The following SPDYE10 variants were observed in gnomAD, a reference collection of about 807,000 sequenced individuals.
SPDYE10 encodes the protein speedy protein E10.
At chr7:73,137,630 GAAAGAA>G in the SPDYE10 span, among the ~76,000 whole-genome samples, 8 of 136,544 alleles carry the variant, frequency 5.9e-5, no homozygotes, top group Non-Finnish European at 1.1e-4. Context: ...AAGAAAGAAA[GAAAGAA>G]AGAAAGGAGA....
the SPDYE10 span, among the ~76,000 whole-genome samples, chr7:73,153,839 GATCT>G: frequency 8.1e-6 from 1 of 123,968 alleles, no homozygotes; most frequent in Non-Finnish European, 1.6e-5. Context: ...CATGCTCTAA[GATCT>G]ATCTACCACA....
At chr7:73,116,934 T>C in the SPDYE10 span, among the ~76,000 whole-genome samples, 1 of 151,896 alleles carries the variant, frequency 6.6e-6, no homozygotes, top group Non-Finnish European at 1.5e-5. Context: ...CTCGCTGTGT[T>C]GCCCAGGCTG....
chr7:73,123,782 T>TCTCCCC, the SPDYE10 span, among the ~76,000 whole-genome samples: 89 of 144,166 alleles, frequency 6.2e-4, 1 homozygote, highest in African/African-American at 2.1e-3. Flanking sequence ...TCTCTCTCTC[T>TCTCCCC]CTCTCCCTCT....
chr7:73,150,905 A>T, the SPDYE10 span, among the ~76,000 whole-genome samples: 2 of 11,130 alleles, frequency 1.8e-4, no homozygotes, highest in Non-Finnish European at 1.6e-4. Flanking sequence ...CAAAAAAAAA[A>T]AAATATATAT....
chr7:73,154,844 A>AC, the SPDYE10 span: 1 of 199,286 alleles, frequency 5.0e-6, no homozygotes, highest in Non-Finnish European at 1.0e-5. Flanking sequence ...GCACCGGGGG[A>AC]GCCCCCCCAG....
chr7:73,131,979 G>GA, the SPDYE10 span, among the ~76,000 whole-genome samples: 1 of 143,588 alleles, frequency 7.0e-6, no homozygotes, highest in Non-Finnish European at 1.5e-5. Flanking sequence ...AGCCTCTAGA[G>GA]TAGTGGAAGG....
At chr7:73,150,908 AT>A in the SPDYE10 span, among the ~76,000 whole-genome samples, 235 of 9,110 alleles carry the variant, frequency 0.026, 9 homozygotes, top group East Asian at 0.045. Context: ...AAAAAAAAAA[AT>A]ATATATATAT....
chr7:73,128,375 T>TTAGG, the SPDYE10 span, among the ~76,000 whole-genome samples: 1 of 143,370 alleles, frequency 7.0e-6, no homozygotes, highest in African/African-American at 2.7e-5. Flanking sequence ...ATGCATACCT[T>TTAGG]TAGGTAGACA....
At chr7:73,120,786 T>A in the SPDYE10 span, among the ~76,000 whole-genome samples, 5 of 142,074 alleles carry the variant, frequency 3.5e-5, no homozygotes, top group Non-Finnish European at 7.6e-5. Flanking sequence ...AGATTCTGTC[T>A]CAAAAAAAAA....
At chr7:73,138,028 G>A in the SPDYE10 span, among the ~76,000 whole-genome samples, 7 of 151,964 alleles carry the variant, frequency 4.6e-5, no homozygotes, top group Admixed American at 1.3e-4. Context: ...TGTCCCCAAG[G>A]AGAAAACTTC....
At chr7:73,135,583 C>T in the SPDYE10 span, among the ~76,000 whole-genome samples, 2 of 113,180 alleles carry the variant, frequency 1.8e-5, no homozygotes, top group East Asian at 2.5e-4. Flanking sequence ...TGGAGTGCAG[C>T]GGTGCAATCT....
chr7:73,107,749 A>G, the SPDYE10 span, among the ~76,000 whole-genome samples: 1 of 44,140 alleles, frequency 2.3e-5, no homozygotes, highest in African/African-American at 9.6e-5. Flanking sequence ...TTATAATAGG[A>G]TGTAACTGGA....
chr7:73,130,319 C>A, the SPDYE10 span, among the ~76,000 whole-genome samples: 1 of 151,768 alleles, frequency 6.6e-6, no homozygotes, highest in Non-Finnish European at 1.5e-5. Flanking sequence ...AATCAACTAA[C>A]CATGTATGTG....
At chr7:73,134,992 A>G in the SPDYE10 span, among the ~76,000 whole-genome samples, 65 of 152,394 alleles carry the variant, frequency 4.3e-4, no homozygotes, top group Middle Eastern at 3.4e-3. Context: ...TAGGAGGGAA[A>G]GACTGAGTGG....
the SPDYE10 span, among the ~76,000 whole-genome samples, chr7:73,150,905 AAAAT>A: frequency 2.7e-4 from 3 of 11,152 alleles, no homozygotes; most frequent in Non-Finnish European, 4.9e-4. Flanking sequence ...CAAAAAAAAA[AAAAT>A]ATATATATAT....
the SPDYE10 span, among the ~76,000 whole-genome samples, chr7:73,130,252 A>G: frequency 2.0e-5 from 3 of 151,196 alleles, no homozygotes; most frequent in Non-Finnish European, 4.4e-5. Flanking sequence ...CCAAGAGTTC[A>G]AGACCAGCCT....
chr7:73,143,024 A>G, the SPDYE10 span, among the ~76,000 whole-genome samples: 1 of 148,074 alleles, frequency 6.8e-6, no homozygotes, highest in African/African-American at 2.5e-5. Flanking sequence ...GGAAGGAAGG[A>G]AGGAAGGAAA....
chr7:73,145,021 A>G, the SPDYE10 span, among the ~76,000 whole-genome samples: 77 of 110,786 alleles, frequency 7.0e-4, no homozygotes, highest in Middle Eastern at 4.4e-3. Context: ...AAAAAAAAAA[A>G]AAGAAGAATT....
the SPDYE10 span, among the ~76,000 whole-genome samples, chr7:73,127,088 T>A: frequency 1.9e-5 from 1 of 51,792 alleles, no homozygotes; most frequent in African/African-American, 1.7e-4. Context: ...CTGGCTTTTT[T>A]TTTTTTTTTT....
Sources: gnomAD v4.1 joint callset for allele counts (sites outside exome capture counted in the v4.1 genomes callset) on GRCh38, gnomAD v4.1.1 for gene constraint, MANE v1.5 for transcripts, NCBI Gene and HGNC (gene_info 2026-07-23, HGNC 2026-07-21) for gene names.